SCARA3: variants seen among roughly 807,000 people sequenced by gnomAD.
The protein encoded by SCARA3 is cellular stress response gene protein.
A neutral mutation model predicts 47.0 loss-of-function variants in SCARA3; 39 were observed. That is an observed-to-expected ratio of 0.83 (90% CI 0.64 to 1.08). SCARA3 has a LOEUF of 1.08. SCARA3 is among the 50% of genes least tolerant of loss of function. The pLI is 0.00. For missense variants in SCARA3, 724 were observed against 792.3 expected (o/e 0.91, Z 1.04); for synonymous variants, 356 against 334.1 (o/e 1.07, Z -0.71).
chr8:27,648,618 A>AT (rs1276777004), intron 1 of SCARA3, among the ~76,000 whole-genome samples: 2 of 151,906 alleles, frequency 1.3e-5, no homozygotes, highest in African/African-American at 4.8e-5. Context: ...GAAAAAAAAA[A>AT]GGAAAAAAGG....
the SCARA3 span, among the ~76,000 whole-genome samples, chr8:27,728,972 C>G: frequency 6.6e-6 from 1 of 152,114 alleles, no homozygotes; most frequent in Non-Finnish European, 1.5e-5. Flanking sequence ...GAGCTTGAAG[C>G]AGGAGGATTT....
At chr8:27,722,886 C>T in the SCARA3 span, among the ~76,000 whole-genome samples, 13 of 152,116 alleles carry the variant, frequency 8.5e-5, no homozygotes, top group South Asian at 2.1e-4. Flanking sequence ...CTAGTGACCC[C>T]GGCACCAGGT....
In SCARA3 at chr8:27,646,978, C is replaced by CCG. The variant is rs1554537184; in HGVS notation, c.8-2723_8-2722insGC. ...CGCACCCCTGACCGCCCCCGCCCCC[C>CCG]CCCCGCACACACACACTATTGCCCC... On this transcript the variant is annotated intron_variant, in intron 1 of 5. Coordinates refer to ENST00000301904, the MANE Select transcript of SCARA3 (RefSeq NM_016240.3). Among the ~76,000 whole-genome samples the CCG allele has an allele frequency of 3.6e-5, 4 of 110,492 alleles. 2 individuals are homozygous for CCG. Among genetic ancestry groups the CCG allele is most frequent in the African/African-American group, 6.8e-5 (2 of 29,406 alleles). 72.5% of individuals were successfully genotyped at this position (110,492 alleles called of 152,430 possible). A position where few individuals can be genotyped will look rare whatever the true frequency, so the allele number is the denominator to read the frequency against.
the SCARA3 span, among the ~76,000 whole-genome samples, chr8:27,710,290 C>G: frequency 1.3e-5 from 2 of 151,528 alleles, no homozygotes; most frequent in Admixed American, 1.3e-4. Context: ...CCCCATGCTC[C>G]TTTTCGCAAT....
At position 27,671,658 on chromosome 8, in the gene SCARA3, GCA is replaced by G. The variant is rs5890376; in HGVS notation, c.*316_*317del. On this transcript the variant is annotated 3_prime_UTR_variant, in exon 6 of 6. Transcript: ENST00000301904. ...TACATGCATGCACACACACATGCACGCACACACACATGCACACATACACGTGC... is the reference window on the plus strand; with the variant it reads ...TACATGCATGCACACACACATGCACGCACACACATGCACACATACACGTGC... 0.25 allele frequency: 276,324 copies of G among 1,116,162 alleles called. 34,984 individuals carry two copies. The highest frequency in any genetic ancestry group is 0.35 in the African/African-American group (21,382 of 60,572). 69.1% of individuals were successfully genotyped at this position (1,116,162 alleles called of 1,614,324 possible). A position where few individuals can be genotyped will look rare whatever the true frequency, so the allele number is the denominator to read the frequency against.
chr8:27,676,460 C>A, downstream of SCARA3: 1 of 1,218,686 alleles, frequency 8.2e-7, no homozygotes, highest in Non-Finnish European at 1.2e-6. Flanking sequence ...TTCCCTGAGG[C>A]CTTTTCCCTA....
chr8:27,727,313 C>G, the SCARA3 span, among the ~76,000 whole-genome samples: 1 of 152,188 alleles, frequency 6.6e-6, no homozygotes, highest in African/African-American at 2.4e-5. Context: ...CTTTGAAACC[C>G]CCCTTGAAGC....
chr8:27,681,705 G>C (rs986525921), downstream of SCARA3, among the ~76,000 whole-genome samples: 1 of 152,148 alleles, frequency 6.6e-6, no homozygotes, highest in Non-Finnish European at 1.5e-5. Context: ...CTGGGCAACA[G>C]GCTGAGATTC....
rs1219177286 is a variant in SCARA3 at position 27,671,180 on chromosome 8, G to A, written c.1650G>A (p.Gly550=). The A allele has an allele frequency of 1.2e-5, 18 of 1,517,136 alleles. No homozygotes were observed. The highest frequency in any genetic ancestry group is 1.6e-5 in the Non-Finnish European group (18 of 1,137,782). 94.0% of individuals were successfully genotyped at this position (1,517,136 alleles called of 1,614,324 possible). ...ACATAGGGCCCCCAGGGCCAGAAGG[G>A]CCCCCGGGGTCTCCAGGGCCCTCAG... ...KGDIGPPGPE[G]PPGSPGPSGP... The change falls in exon 6 of 6, where the codon GGG becomes GGA. Residue 550 remains glycine, a synonymous_variant. Coordinates refer to ENST00000301904, the MANE Select transcript of SCARA3 (RefSeq NM_016240.3).
chr8:27,666,841 C>T (rs1186804313), intron 5 of SCARA3, among the ~76,000 whole-genome samples: 1 of 152,018 alleles, frequency 6.6e-6, no homozygotes, highest in Non-Finnish European at 1.5e-5. Context: ...TATCCAAGCT[C>T]AGACCACAGA....
At chr8:27,706,858 A>T in the SCARA3 span, among the ~76,000 whole-genome samples, 1 of 152,170 alleles carries the variant, frequency 6.6e-6, no homozygotes, top group African/African-American at 2.4e-5. Flanking sequence ...TCACCCCCAC[A>T]GAGCTCTGAA....
At chr8:27,698,024 A>G in the SCARA3 span, among the ~76,000 whole-genome samples, 159 of 152,376 alleles carry the variant, frequency 1.0e-3, no homozygotes, top group African/African-American at 3.5e-3. Context: ...AATATTTGAT[A>G]TTTTAAAAAG....
At chr8:27,714,166 T>G in the SCARA3 span, among the ~76,000 whole-genome samples, 1 of 151,104 alleles carries the variant, frequency 6.6e-6, no homozygotes, top group Non-Finnish European at 1.5e-5. Context: ...CCTCTTTCCT[T>G]TAGAAATTAC....
chr8:27,655,261 C>A (rs368220005), intron 3 of SCARA3, among the ~76,000 whole-genome samples: 1 of 152,066 alleles, frequency 6.6e-6, no homozygotes, highest in Non-Finnish European at 1.5e-5. Context: ...AGTCACCCAA[C>A]AAATGTGATG....
intron 3 of SCARA3, among the ~76,000 whole-genome samples, chr8:27,654,587 C>A (rs1801701440): frequency 6.8e-6 from 1 of 147,558 alleles, no homozygotes; most frequent in Non-Finnish European, 1.5e-5. Context: ...AGTGAGACCC[C>A]AACTCATTTC....
the SCARA3 span, among the ~76,000 whole-genome samples, chr8:27,709,628 G>T: frequency 6.6e-6 from 1 of 152,170 alleles, no homozygotes; most frequent in Non-Finnish European, 1.5e-5. Flanking sequence ...ATCTGGAGGG[G>T]CAGTGGTGCT....
At chr8:27,656,524 A>G (rs1185921154) in intron 3 of SCARA3, among the ~76,000 whole-genome samples, 1 of 152,042 alleles carries the variant, frequency 6.6e-6, no homozygotes, top group Non-Finnish European at 1.5e-5. Context: ...TTTTTTTCTG[A>G]ATTTTCCCTG....
chr8:27,727,468 T>G, the SCARA3 span, among the ~76,000 whole-genome samples: 1 of 152,328 alleles, frequency 6.6e-6, no homozygotes, highest in East Asian at 1.9e-4. Flanking sequence ...TCTAGGACAC[T>G]GGTGGTATCC....
chr8:27,687,883 G>A, the SCARA3 span, among the ~76,000 whole-genome samples: 1 of 152,162 alleles, frequency 6.6e-6, no homozygotes, highest in African/African-American at 2.4e-5. Context: ...GGGTGTGGTG[G>A]CAGGCACCTG....
Sources: gnomAD v4.1 joint callset for allele counts (sites outside exome capture counted in the v4.1 genomes callset) on GRCh38, gnomAD v4.1.1 for gene constraint, MANE v1.5 for transcripts, NCBI Gene and HGNC (gene_info 2026-07-23, HGNC 2026-07-21) for gene names.